LIG4: variants seen among roughly 807,000 people sequenced by gnomAD.
LIG4 encodes DNA ligase 4.
LIG4 carries 13 observed loss-of-function variants against 19.0 expected under a neutral mutation model. The ratio of observed to expected loss-of-function variants is 0.68; its 90% CI spans 0.44 to 1.09. The LOEUF (loss-of-function observed/expected upper bound fraction) is 1.09. Ranked by LOEUF, LIG4 falls within the 50% of genes least tolerant of loss-of-function variation. LIG4 has a pLI of 0.00. For synonymous variants in LIG4, 361 were observed against 358.2 expected (o/e 1.01, Z -0.09); for missense variants, 1,026 against 1,089.7 (o/e 0.94, Z 0.82).
At position 108,212,015 on chromosome 13, in the gene LIG4, GTTAC is replaced by G. The variant is rs145702474; in HGVS notation, c.-28-723_-28-720del. Among the ~76,000 whole-genome samples, 375 of 151,980 alleles carry G rather than the reference GTTAC, an allele frequency of 2.5e-3. 2 individuals are homozygous for G. Among genetic ancestry groups the G allele is most frequent in the African/African-American group, 8.6e-3 (357 of 41,444 alleles). On this transcript the variant is annotated intron_variant, in intron 2 of 2. Coordinates refer to ENST00000442234, the MANE Select transcript of LIG4 (RefSeq NM_206937.2). Reference sequence around the variant, plus strand: ...TCCTCACTTTATCTATTTTACCATAGTTACTTACTGTCTTATAAGTATAAATTTA... The same window carrying G: ...TCCTCACTTTATCTATTTTACCATAGTTACTGTCTTATAAGTATAAATTTA...
upstream of LIG4, among the ~76,000 whole-genome samples, chr13:108,217,501 CAA>C (rs776537486): frequency 5.3e-5 from 8 of 151,936 alleles, no homozygotes; most frequent in Non-Finnish European, 1.2e-4. Context: ...GCCTGGGAAA[CAA>C]GAGCGAAACT....
rs193107403 is a variant in LIG4 at position 108,211,061 on chromosome 13, G to A, written c.208C>T (p.Leu70=). 9.4e-6 allele frequency: 15 copies of A among 1,603,222 alleles called. No individual in the cohort carries two copies. The Admixed American group carries it at 1.4e-4, about 15-fold the overall frequency. Residue 70 remains leucine (L), a synonymous_variant, in exon 3 of 3, where the codon CTA becomes TTA. Transcript: ENST00000442234. The part of the protein sequence containing the change: ...VTDSFYPAMR[L]ILPQLERERM... ...TCTCTTTCTAGCTGAGGAAGAATTA[G>A]TCTCATTGCTGGATAAAAAGAGTCT... is the stretch of plus-strand genomic sequence containing the variant.
chr13:108,216,157 T>G (rs1452219032), upstream of LIG4, among the ~76,000 whole-genome samples: 4 of 152,186 alleles, frequency 2.6e-5, no homozygotes, highest in Non-Finnish European at 5.9e-5. Flanking sequence ...TAACAAACCT[T>G]TATTGAGCAC....
chr13:108,210,162 T>A lies in LIG4; in HGVS notation c.1107A>T (p.Val369=), dbSNP rs756549415. Residue 369 remains valine (V), a synonymous_variant, in exon 3 of 3, where the codon GTA becomes GTT. Transcript: ENST00000442234. ...DLQTCYCVFD[V]LMVNNKKLGH... ...CTAGCTTTTTATTATTAACCATCAA[T>A]ACATCAAAAACACAATAACAAGTTT... 10 of 1,613,690 alleles carry A rather than the reference T, an allele frequency of 6.2e-6. No individual in the cohort carries two copies. Among genetic ancestry groups the A allele is most frequent in the Non-Finnish European group, 8.5e-6 (10 of 1,179,962 alleles).
At position 108,208,119 on chromosome 13, in the gene LIG4, C is replaced by T. The variant is rs1207815841; in HGVS notation, c.*414G>A. 6.4e-6 allele frequency: 1 copy of T among 156,756 alleles called. No homozygotes were observed. Among genetic ancestry groups the T allele is most frequent in the Non-Finnish European group, 1.4e-5 (1 of 71,130 alleles). 9.7% of individuals were successfully genotyped at this position (156,756 alleles called of 1,614,324 possible). A position where few individuals can be genotyped will look rare whatever the true frequency, so the allele number is the denominator to read the frequency against. On this transcript the variant is annotated 3_prime_UTR_variant, in exon 3 of 3. Transcript: ENST00000442234. ...AATTCTACCCTATTTTCTTGCAGTG[C>T]TTTTATTAGATAAAAACTATTGTTA...
Position 108,209,646 on chromosome 13 carries a change from T to A in LIG4, c.1623A>T (p.Gly541=), listed in dbSNP as rs772722263. 6.2e-7 allele frequency: 1 copy of A among 1,614,088 alleles called. No homozygotes were observed. The highest frequency in any genetic ancestry group is 1.3e-5 in the African/African-American group (1 of 74,924). Reference sequence around the variant, plus strand: ...CAATGTATACTTCTGGCTTCTCTGTTCCACATAAAATGCTGCTTGGTGGAG... The same window carrying A: ...CAATGTATACTTCTGGCTTCTCTGTACCACATAAAATGCTGCTTGGTGGAG... ...RKAPPSSILC[G]TEKPEVYIEP... is the part of the protein sequence containing the mutation. Residue 541 remains glycine, a synonymous_variant, in exon 3 of 3, where the codon GGA becomes GGT. Coordinates refer to ENST00000442234, the MANE Select transcript of LIG4 (RefSeq NM_206937.2).
At chr13:108,212,286 T>C (rs1878749916) in intron 2 of LIG4, among the ~76,000 whole-genome samples, 1 of 151,268 alleles carries the variant, frequency 6.6e-6, no homozygotes, top group Non-Finnish European at 1.5e-5. Context: ...AAACGTAAAA[T>C]GTCCTGAGGG....
In LIG4 at chr13:108,209,754, A is replaced by C. The variant is rs2138973099; in HGVS notation, c.1515T>G (p.Arg505=). Reference sequence around the variant, plus strand: ...CTTTCATGGTGCAGCCAGACCCAACACGAGAGAGAGTATGAAACACAGATG... The same window carrying C: ...CTTTCATGGTGCAGCCAGACCCAACCCGAGAGAGAGTATGAAACACAGATG... ...EKPSVFHTLS[R]VGSGCTMKEL... The change falls in exon 3 of 3, where the codon CGT becomes CGG. Residue 505 remains arginine, a synonymous_variant. Transcript: ENST00000442234. 2 of 1,614,142 alleles carry C rather than the reference A, an allele frequency of 1.2e-6. No homozygotes were observed. The highest frequency in any genetic ancestry group is 3.3e-4 in the Middle Eastern group (2 of 6,062).
chr13:108,212,565 C>G (rs1006719383), intron 2 of LIG4, among the ~76,000 whole-genome samples: 1 of 151,864 alleles, frequency 6.6e-6, no homozygotes, highest in African/African-American at 2.4e-5. Context: ...GGTTTCAGAC[C>G]CCTCCTGGCA....
In LIG4 at chr13:108,210,943, A is replaced by G. The variant is rs1194833404; in HGVS notation, c.326T>C (p.Leu109Pro). 1.2e-6 allele frequency: 2 copies of G among 1,613,688 alleles called. No homozygotes were observed. The highest frequency in any genetic ancestry group is 1.7e-6 in the Non-Finnish European group (2 of 1,179,930). The change falls in exon 3 of 3, where the codon CTT becomes CCT. Residue 109 changes from leucine to proline, a missense_variant. Coordinates refer to ENST00000442234, the MANE Select transcript of LIG4 (RefSeq NM_206937.2). ...LPRDGKDALK[L>P]LNYRTPTGTH... ...TCCAGTGGGTGTTCTGTAGTTTAAA[A>G]GTTTGAGGGCATCTTTTCCATCTCT...
upstream of LIG4, among the ~76,000 whole-genome samples, chr13:108,216,725 T>G (rs1879313184): frequency 6.6e-6 from 1 of 152,212 alleles, no homozygotes; most frequent in African/African-American, 2.4e-5. Flanking sequence ...AGAGGGTACC[T>G]ATCCGTGTAC....
Position 108,211,112 on chromosome 13 carries a change from G to A in LIG4, c.157C>T (p.Leu53Phe). The A allele has an allele frequency of 1.9e-6, 3 of 1,611,372 alleles. No individual in the cohort carries two copies. The highest frequency in any genetic ancestry group is 2.2e-5 in the East Asian group (1 of 44,844). The stretch of plus-strand genomic sequence containing the variant: ...GTGACATCTTTGTGGTTCTTATGAA[G>A]AGCATCATGAAATTTTCTCCAAGAA... ...LDSWRKFHDA[L>F]HKNHKDVTDS... is the part of the protein sequence containing the mutation. Residue 53 changes from leucine to phenylalanine, a missense_variant, in exon 3 of 3, where the codon CTT (leucine) becomes TTT (phenylalanine). Leu to Phe is a conservative substitution (Grantham distance 22). This residue lies in a region of LIG4 where 493 missense variants were observed against 544.5 expected (regional missense o/e 0.91). Coordinates refer to ENST00000442234, the MANE Select transcript of LIG4 (RefSeq NM_206937.2).
At position 108,208,773 on chromosome 13, in the gene LIG4, T is replaced by G. The variant is rs1157862129; in HGVS notation, c.2496A>C (p.Lys832Asn). The G allele has an allele frequency of 6.2e-7, 1 of 1,614,180 alleles. No homozygotes were observed. The highest frequency in any genetic ancestry group is 8.5e-7 in the Non-Finnish European group (1 of 1,180,030). The change falls in exon 3 of 3, where the codon AAA (lysine) becomes AAC (asparagine). Residue 832 changes from lysine (K) to asparagine (N), a missense_variant. Physicochemically the swap from Lys to Asn is moderately conservative, Grantham distance 94. Coordinates refer to ENST00000442234, the MANE Select transcript of LIG4 (RefSeq NM_206937.2). ...SYAVINDLSTKNEGTRLAIKA... is the reference protein window; with the variant it reads ...SYAVINDLSTNNEGTRLAIKA... Reference sequence around the variant, plus strand: ...TAATAGCTAACCTTGTCCCCTCATTTTTGGTACTCAGGTCATTAATAACAG... The same window carrying G: ...TAATAGCTAACCTTGTCCCCTCATTGTTGGTACTCAGGTCATTAATAACAG...
rs1327292048 is a variant in LIG4 at position 108,215,477 on chromosome 13, T to C, written c.-102+7A>G. The C allele has an allele frequency of 3.2e-5, 2 of 61,754 alleles. No individual in the cohort carries two copies. Among genetic ancestry groups the C allele is most frequent in the African/African-American group, 1.2e-4 (2 of 16,364 alleles). 3.8% of individuals were successfully genotyped at this position (61,754 alleles called of 1,614,324 possible). ...CGCCCCCACCTGCCACCCCACACCC[T>C]TCCCACCTGACGTCAAGCCTGAAGC... On this transcript the variant is annotated splice_region_variant and intron_variant, in intron 1 of 2. Transcript: ENST00000442234.
chr13:108,209,179 G>A lies in LIG4; in HGVS notation c.2090C>T (p.Thr697Met). 7.4e-6 allele frequency: 12 copies of A among 1,614,140 alleles called. No homozygotes were observed. Among genetic ancestry groups the A allele is most frequent in the Middle Eastern group, 3.3e-4 (2 of 6,062 alleles). Residue 697 changes from threonine to methionine, a missense_variant, in exon 3 of 3, where the codon ACG becomes ATG. Coordinates refer to ENST00000442234, the MANE Select transcript of LIG4 (RefSeq NM_206937.2). ...GYIVQNPGPD[T>M]YCVIAGSENI... ...CTCAGACCCTGCAATTACACAGTAC[G>A]TGTCTGGGCCTGGATTTTGTACTAT...
chr13:108,216,760 T>G (rs1594481633), upstream of LIG4, among the ~76,000 whole-genome samples: 1 of 152,226 alleles, frequency 6.6e-6, no homozygotes, highest in East Asian at 1.9e-4. Flanking sequence ...CAACCTCTAC[T>G]GAGCTCCTAC....
At chr13:108,213,647 C>T (rs1200170379) in intron 2 of LIG4, among the ~76,000 whole-genome samples, 1 of 152,168 alleles carries the variant, frequency 6.6e-6, no homozygotes, top group Non-Finnish European at 1.5e-5. Context: ...CTGATTCATT[C>T]CATTTGCAGT....
chr13:108,214,737 A>G (rs977826984), intron 1 of LIG4, 127 bp from the exon 2 acceptor site: 1 of 152,196 alleles, frequency 6.6e-6, no homozygotes, highest in Non-Finnish European at 1.5e-5. Flanking sequence ...AGAGCACAGC[A>G]TCAGGAGGCC....
chr13:108,215,731 C>T (rs1428062748), upstream of LIG4, among the ~76,000 whole-genome samples: 1 of 151,666 alleles, frequency 6.6e-6, no homozygotes, highest in African/African-American at 2.4e-5. Context: ...TTGGCCTCGG[C>T]AGCAGATGCT....
Sources: gnomAD v4.1 joint callset for allele counts (sites outside exome capture counted in the v4.1 genomes callset) on GRCh38, gnomAD v4.1.1 for gene constraint, gnomAD v4.1.1 regional missense constraint, MANE v1.5 for transcripts, NCBI Gene and HGNC (gene_info 2026-07-23, HGNC 2026-07-21) for gene names.